Variants in PABIR3 observed in about 807,000 individuals in gnomAD.
PABIR3 encodes the protein PABIR family member 3.
A neutral mutation model predicts 23.1 loss-of-function variants in PABIR3; 20 were observed. The observed-to-expected ratio is 0.86, with a 90% CI of 0.61 to 1.26. PABIR3 has a LOEUF of 1.26. Ranked by LOEUF, PABIR3 falls within the 50% of genes most tolerant of loss-of-function variation. The pLI, the probability that PABIR3 is intolerant of heterozygous loss-of-function variation, is 0.00. For synonymous variants in PABIR3, 69 were observed against 68.5 expected (o/e 1.01, Z -0.04); for missense variants, 189 against 195.4 (o/e 0.97, Z 0.20).
At chrX:134,833,840 C>T (rs1603229059) in intron 4 of PABIR3, among the ~76,000 whole-genome samples, 1 of 111,884 alleles carries the variant, frequency 8.9e-6, no homozygotes, top group South Asian at 3.7e-4. Context: ...CTGCAAAGGA[C>T]ATGATCTCAT....
chrX:134,841,874 T>G (rs1330250685), intron 4 of PABIR3, among the ~76,000 whole-genome samples: 1 of 110,616 alleles, frequency 9.0e-6, no homozygotes, highest in Admixed American at 9.7e-5. Context: ...AAAATCCCAG[T>G]TACTTAGGAA....
At chrX:134,829,405 C>A in intron 4 of PABIR3, 123 bp downstream of exon 4, 2 of 534,362 alleles carry the variant, frequency 3.7e-6, no homozygotes, top group African/African-American at 2.6e-5. Flanking sequence ...GTTTTTATTT[C>A]TAGGAATGAT....
intron 8 of PABIR3, 56 bp from the exon 9 acceptor site, chrX:134,849,111 A>G: frequency 1.8e-6 from 1 of 564,485 alleles, no homozygotes; most frequent in Non-Finnish European, 2.5e-6. Context: ...TGAAATAGTC[A>G]TTGTTGATTT....
the PABIR3 span, among the ~76,000 whole-genome samples, chrX:134,863,184 C>A: frequency 9.0e-6 from 1 of 111,489 alleles, no homozygotes; most frequent in African/African-American, 3.3e-5. Flanking sequence ...GGAATACTTC[C>A]CAGTTCAGTG....
In PABIR3 at chrX:134,813,633, A is replaced by G. The variant is rs751271179; in HGVS notation, c.111-1138A>G. ...CCGTTTCAAAATAAAAAGTTATAATAAAAAGGAAAAGATGCCGGGCACCGC... is the reference window on the plus strand; with the variant it reads ...CCGTTTCAAAATAAAAAGTTATAATGAAAAGGAAAAGATGCCGGGCACCGC... On this transcript the variant is annotated intron_variant, in intron 2 of 10. Transcript: ENST00000645433. Among the ~76,000 whole-genome samples the G allele has an allele frequency of 2.2e-3, 245 of 111,749 alleles. 1 individual carries two copies. Among genetic ancestry groups the G allele is most frequent in the Middle Eastern group, 4.6e-3 (1 of 217 alleles).
chrX:134,861,906 C>A, the PABIR3 span, among the ~76,000 whole-genome samples: 2 of 109,979 alleles, frequency 1.8e-5, no homozygotes, highest in African/African-American at 6.6e-5. Flanking sequence ...ACTGTTTAAC[C>A]CACATTCTCT....
At chrX:134,861,276 A>G in the PABIR3 span, among the ~76,000 whole-genome samples, 14 of 105,951 alleles carry the variant, frequency 1.3e-4, no homozygotes, top group African/African-American at 4.1e-4. Flanking sequence ...ACCTGTTTCA[A>G]AAAAAAAAAG....
At chrX:134,862,151 T>G in the PABIR3 span, among the ~76,000 whole-genome samples, 1 of 93,557 alleles carries the variant, frequency 1.1e-5, no homozygotes, top group East Asian at 3.2e-4. Flanking sequence ...TGTTTTTTTT[T>G]TTTTTTTTTT....
intron 1 of PABIR3, among the ~76,000 whole-genome samples, chrX:134,800,939 C>T (rs764921720): frequency 2.7e-5 from 3 of 112,202 alleles, no homozygotes; most frequent in Non-Finnish European, 5.6e-5. Context: ...AAATAAGAAG[C>T]TGTCCATGGA....
At chrX:134,823,590 CAT>C (rs2081383143) in intron 3 of PABIR3, among the ~76,000 whole-genome samples, 1 of 111,365 alleles carries the variant, frequency 9.0e-6, no homozygotes, top group Admixed American at 9.7e-5. Flanking sequence ...TACACGTATA[CAT>C]ATATATGCAT....
intron 4 of PABIR3, among the ~76,000 whole-genome samples, chrX:134,832,207 G>C (rs2081814836): frequency 9.2e-6 from 1 of 108,363 alleles, no homozygotes; most frequent in East Asian, 3.0e-4. Flanking sequence ...CCTGGGAGGC[G>C]GAGGTTGCAG....
chrX:134,818,585 AAGG>A (rs1174501504), intron 3 of PABIR3, among the ~76,000 whole-genome samples: 1 of 112,120 alleles, frequency 8.9e-6, no homozygotes, highest in Non-Finnish European at 1.9e-5. Context: ...CTTTCAGTAG[AAGG>A]AGGAGTGGGG....
At chrX:134,845,843 G>A (rs2082414686) in intron 6 of PABIR3, among the ~76,000 whole-genome samples, 1 of 112,131 alleles carries the variant, frequency 8.9e-6, no homozygotes, top group Non-Finnish European at 1.9e-5. Flanking sequence ...AAGTTCAGTT[G>A]CACTAGTTAA....
Position 134,814,796 on chromosome X carries a change from G to T in PABIR3, c.136G>T (p.Asp46Tyr), listed in dbSNP as rs1366243039. The change falls in exon 3 of 11, where the codon GAC becomes TAC. Residue 46 changes from aspartate (D) to tyrosine (Y), a missense_variant. Transcript: ENST00000645433. ...TTTTAATTCACAGGTGTTGCAAGCT[G>T]ACATGTTAAGAATTAGGACAAACAG... ...LGFNSQVLQA[D>Y]MLRIRTNRTT... The T allele has an allele frequency of 4.2e-6, 5 of 1,200,031 alleles. No homozygotes were observed. The highest frequency in any genetic ancestry group is 4.6e-4 in the Middle Eastern group (2 of 4,307).
At chrX:134,821,092 A>C (rs932422501) in intron 3 of PABIR3, among the ~76,000 whole-genome samples, 25 of 102,863 alleles carry the variant, frequency 2.4e-4, no homozygotes, top group Non-Finnish European at 4.3e-4. Context: ...GTGTGTGTAT[A>C]TATATATATA....
At chrX:134,814,893 T>C in intron 3 of PABIR3, 44 bp downstream of exon 3, 1 of 1,001,003 alleles carries the variant, frequency 1.0e-6, no homozygotes. Flanking sequence ...AGACTTGTGC[T>C]TATTGGTCTC....
At position 134,849,161 on chromosome X, in the gene PABIR3, T is replaced by C; in HGVS notation, c.528-6T>C. ...TCTTATAATGATCATGATGATTTTA[T>C]TTTAGAAGAAGTCAAAATCCTACCA... is the stretch of plus-strand genomic sequence containing the variant. On this transcript the variant is annotated splice_polypyrimidine_tract_variant and splice_region_variant and intron_variant, in intron 8 of 10. Transcript: ENST00000645433. The C allele has an allele frequency of 1.0e-6, 1 of 959,163 alleles. No individual in the cohort carries two copies. Among genetic ancestry groups the C allele is most frequent in the East Asian group, 3.9e-5 (1 of 25,429 alleles). 79.0% of individuals were successfully genotyped at this position (959,163 alleles called of 1,213,427 possible).
At chrX:134,849,869 C>CTTTCTTTTTTTTTT (rs2082563060) in intron 9 of PABIR3, among the ~76,000 whole-genome samples, 1 of 58,856 alleles carries the variant, frequency 1.7e-5, no homozygotes, top group African/African-American at 7.6e-5. Flanking sequence ...GCTCTTCTTC[C>CTTTCTTTTTTTTTT]TTTTTTTTTT....
chrX:134,850,585 A>C (rs928282473), intron 9 of PABIR3, among the ~76,000 whole-genome samples: 1 of 112,308 alleles, frequency 8.9e-6, no homozygotes, highest in Non-Finnish European at 1.9e-5. Flanking sequence ...TTGAGTATTT[A>C]AAATAAAGTA....
Sources: allele counts gnomAD v4.1 joint callset (sites outside exome capture counted in the v4.1 genomes callset), GRCh38; gene constraint gnomAD v4.1.1; transcripts MANE v1.5; gene names NCBI Gene and HGNC (gene_info 2026-07-23, HGNC 2026-07-21).